Variants in DOCK8 observed in about 807,000 individuals in gnomAD.
DOCK8 encodes the protein dedicator of cytokinesis 8, also known as dedicator of cytokinesis protein 8.
Under a neutral mutation model 245.6 loss-of-function variants are expected in DOCK8, and 141 were observed. The ratio of observed to expected loss-of-function variants is 0.57; its 90% CI spans 0.50 to 0.66. DOCK8 has a LOEUF of 0.66. Ranked by LOEUF, DOCK8 falls within the 30% of genes least tolerant of loss-of-function variation. DOCK8 has a pLI of 0.00. For missense variants in DOCK8, 2,965 were observed against 2,603.4 expected (o/e 1.14, Z -3.02); for synonymous variants, 1,168 against 970.2 (o/e 1.20, Z -3.79).
At chr9:235,262 T>G (rs2047217387) in intron 1 of DOCK8, among the ~76,000 whole-genome samples, 1 of 152,158 alleles carries the variant, frequency 6.6e-6, no homozygotes, top group South Asian at 2.1e-4. Flanking sequence ...CTGGAAGTTT[T>G]GTGTCAGAGG....
At chr9:356,035 A>C (rs778302377) in intron 14 of DOCK8, among the ~76,000 whole-genome samples, 1 of 152,232 alleles carries the variant, frequency 6.6e-6, no homozygotes, top group Non-Finnish European at 1.5e-5. Flanking sequence ...ATAAACCAAC[A>C]TGGGGCTCTA....
At chr9:361,448 T>A (rs2052726052) in intron 14 of DOCK8, among the ~76,000 whole-genome samples, 1 of 152,226 alleles carries the variant, frequency 6.6e-6, no homozygotes. Flanking sequence ...TATCATACTT[T>A]GCAGCTTTCA....
intron 14 of DOCK8, among the ~76,000 whole-genome samples, chr9:357,488 A>G (rs1032716631): frequency 4.0e-5 from 6 of 151,486 alleles, no homozygotes; most frequent in African/African-American, 1.5e-4. Context: ...TCTTTCTGTC[A>G]TTTGATTTCT....
intron 21 of DOCK8, chr9:381,206 T>C: frequency 6.6e-6 from 1 of 152,244 alleles, no homozygotes; most frequent in Non-Finnish European, 1.5e-5. Flanking sequence ...TTTATAGATC[T>C]TTCTTCCTCC....
intron 33 of DOCK8, among the ~76,000 whole-genome samples, chr9:423,399 C>A (rs750772103): frequency 6.6e-6 from 1 of 152,128 alleles, no homozygotes; most frequent in South Asian, 2.1e-4. Context: ...AGCAAAATGT[C>A]GTAGAGCTAA....
rs760517294 is a variant in DOCK8, at chr9:441,331, C to A, written c.5269C>A (p.Pro1757Thr). 6.2e-7 allele frequency: 1 copy of A among 1,614,184 alleles called. No individual in the cohort carries two copies. The highest frequency in any genetic ancestry group is 8.5e-7 in the Non-Finnish European group (1 of 1,180,038). Residue 1757 changes from proline to threonine, a missense_variant, in exon 41 of 48, where the codon CCC becomes ACC. Coordinates refer to ENST00000432829, the MANE Select transcript of DOCK8 (RefSeq NM_203447.4). ...TAATGAGGTCTACAAGCTGGTCATC[C>A]CCATCCTAGAAGCGCATCGAGAATT... ...TVNEVYKLVI[P>T]ILEAHREFRK...
At chr9:237,515 C>T (rs1198353910) in intron 1 of DOCK8, among the ~76,000 whole-genome samples, 3 of 152,126 alleles carry the variant, frequency 2.0e-5, no homozygotes, top group African/African-American at 7.2e-5. Flanking sequence ...ATTAGCCAGG[C>T]ATGGTGGCAT....
Position 336,681 on chromosome 9 carries a change from A to C in DOCK8, c.1385A>C (p.Lys462Thr). ...GAAAATGGGGTTGGATCCAACTTCA[A>C]AACCTCCACTCTGAGCGTTAGCAGC... is the stretch of plus-strand genomic sequence containing the variant. ...LEENGVGSNF[K>T]TSTLSVSSFF... Residue 462 changes from lysine to threonine, a missense_variant, in exon 12 of 48, where the codon AAA (lysine) becomes ACA (threonine). By Grantham distance (78) the Lys-to-Thr change is moderately conservative. Transcript: ENST00000432829. The C allele has an allele frequency of 6.2e-7, 1 of 1,614,058 alleles. No individual in the cohort carries two copies. The highest frequency in any genetic ancestry group is 8.5e-7 in the Non-Finnish European group (1 of 1,179,992).
intron 40 of DOCK8, 127 bp from the exon 41 acceptor site, chr9:441,159 C>A: frequency 7.1e-7 from 1 of 1,410,678 alleles, no homozygotes; most frequent in Non-Finnish European, 9.9e-7. Flanking sequence ...CCTTCTTGCC[C>A]TGTGAAATAC....
chr9:262,562 A>G (rs2047942993), intron 1 of DOCK8, among the ~76,000 whole-genome samples: 1 of 151,230 alleles, frequency 6.6e-6, no homozygotes, highest in Non-Finnish European at 1.5e-5. Context: ...GTTGAATGGA[A>G]GAAGCCAGAC....
At chr9:267,837 C>G (rs2048070567) in intron 1 of DOCK8, 1 of 152,194 alleles carries the variant, frequency 6.6e-6, no homozygotes. Flanking sequence ...TATTTGCTAT[C>G]ATGCTATCAT....
At chr9:342,033 TACTG>T (rs2051622911) in intron 14 of DOCK8, among the ~76,000 whole-genome samples, 2 of 152,232 alleles carry the variant, frequency 1.3e-5, no homozygotes, top group East Asian at 1.9e-4. Flanking sequence ...TCAGGGCTCC[TACTG>T]ATTCTATATT....
chr9:309,018 C>T (rs541278963), intron 5 of DOCK8, among the ~76,000 whole-genome samples: 8 of 152,318 alleles, frequency 5.3e-5, no homozygotes, highest in South Asian at 2.1e-4. Context: ...AATCTCTTAA[C>T]ACTTCCTTTT....
chr9:249,872 C>T (rs1285428568), intron 1 of DOCK8, among the ~76,000 whole-genome samples: 1 of 151,972 alleles, frequency 6.6e-6, no homozygotes, highest in Non-Finnish European at 1.5e-5. Flanking sequence ...AAGCGACGCC[C>T]CCGCCTCGGC....
chr9:224,441 A>G (rs773737184), intron 1 of DOCK8, among the ~76,000 whole-genome samples: 11 of 152,152 alleles, frequency 7.2e-5, no homozygotes, highest in Non-Finnish European at 1.2e-4. Context: ...AAGATGTGAT[A>G]TTTGCTCAGA....
chr9:390,743 A>G (rs956554694), intron 24 of DOCK8, among the ~76,000 whole-genome samples, 177 bp downstream of exon 24: 12 of 152,134 alleles, frequency 7.9e-5, no homozygotes, highest in Admixed American at 3.9e-4. Flanking sequence ...TGCTTCTACC[A>G]TGAAAATCTA....
At chr9:298,869 A>G (rs547938552) in intron 4 of DOCK8, among the ~76,000 whole-genome samples, 11 of 151,956 alleles carry the variant, frequency 7.2e-5, no homozygotes, top group African/African-American at 2.4e-5. Context: ...AACCTTTGAC[A>G]TCAATACCCT....
intron 26 of DOCK8, among the ~76,000 whole-genome samples, chr9:404,002 A>C (rs1189939778): frequency 7.4e-6 from 1 of 134,688 alleles, no homozygotes; most frequent in Non-Finnish European, 1.5e-5. Context: ...GTGTATATAT[A>C]TATATATATA....
At chr9:253,464 C>G (rs1450259212) in intron 1 of DOCK8, among the ~76,000 whole-genome samples, 1 of 152,184 alleles carries the variant, frequency 6.6e-6, no homozygotes, top group African/African-American at 2.4e-5. Flanking sequence ...AGTTCTCATT[C>G]CACCTCTACC....
Sources: gnomAD v4.1 joint callset for allele counts (sites outside exome capture counted in the v4.1 genomes callset) on GRCh38, gnomAD v4.1.1 for gene constraint, MANE v1.5 for transcripts, NCBI Gene and HGNC (gene_info 2026-07-23, HGNC 2026-07-21) for gene names.